EML6: variants seen among roughly 807,000 people sequenced by gnomAD.
EML6 encodes echinoderm microtubule-associated protein-like 6.
EML6 carries 154 observed loss-of-function variants against 240.1 expected under a neutral mutation model. That is an observed-to-expected ratio of 0.64 (90% CI 0.56 to 0.73). EML6 has a LOEUF of 0.73. Ranked by LOEUF, EML6 falls within the 30% of genes least tolerant of loss-of-function variation. The pLI is 0.00. For synonymous variants in EML6, 1,148 were observed against 899.0 expected (o/e 1.28, Z -4.95); for missense variants, 2,964 against 2,474.6 (o/e 1.20, Z -4.20).
intron 5 of EML6, among the ~76,000 whole-genome samples, chr2:54,823,213 C>T (rs975679968): frequency 5.9e-5 from 9 of 152,212 alleles, no homozygotes. Context: ...ATAAAGATGA[C>T]ATCCCAGCTG....
chr2:54,809,544 C>G (rs932951425), intron 2 of EML6, among the ~76,000 whole-genome samples: 8 of 152,066 alleles, frequency 5.3e-5, no homozygotes, highest in Admixed American at 1.3e-4. Context: ...TTCTGAGGCT[C>G]AGAGCACTCA....
intron 11 of EML6, among the ~76,000 whole-genome samples, chr2:54,857,139 G>A (rs903194075): frequency 6.6e-6 from 1 of 152,186 alleles, no homozygotes; most frequent in Non-Finnish European, 1.5e-5. Context: ...GTGCACATAA[G>A]GGGAAGAGGA....
intron 2 of EML6, among the ~76,000 whole-genome samples, chr2:54,742,692 G>T (rs370193000): frequency 2.0e-4 from 31 of 152,176 alleles, no homozygotes; most frequent in African/African-American, 7.0e-4. Context: ...CTTCTTAGTT[G>T]TTACACAGCC....
chr2:54,827,808 A>C (rs1171473377), intron 6 of EML6, 57 bp downstream of exon 6: 1 of 1,219,486 alleles, frequency 8.2e-7, no homozygotes, highest in Non-Finnish European at 1.2e-6. Flanking sequence ...TAAGACCACG[A>C]ATCCCTCCCT....
At chr2:54,730,556 T>C (rs1683107921) in intron 2 of EML6, among the ~76,000 whole-genome samples, 1 of 152,188 alleles carries the variant, frequency 6.6e-6, no homozygotes, top group Admixed American at 6.5e-5. Context: ...GTCTTCTCAT[T>C]TTACACTGAG....
At chr2:54,909,875 T>G (rs556754838) in intron 24 of EML6, among the ~76,000 whole-genome samples, 71 of 146,386 alleles carry the variant, frequency 4.9e-4, no homozygotes, top group Admixed American at 8.2e-4. Context: ...AAAAAAAAGA[T>G]TAGCCAAGCT....
intron 7 of EML6, among the ~76,000 whole-genome samples, chr2:54,840,468 A>G (rs981000362): frequency 6.6e-6 from 1 of 152,246 alleles, no homozygotes. Flanking sequence ...ATATCTGCTT[A>G]CATATGTCTG....
At chr2:54,853,099 T>C (rs1175613063) in intron 10 of EML6, among the ~76,000 whole-genome samples, 1 of 152,232 alleles carries the variant, frequency 6.6e-6, no homozygotes, top group Admixed American at 6.5e-5. Flanking sequence ...CTACTGAGCC[T>C]GAATTTTAAA....
At chr2:54,894,209 A>C (rs1327959653) in intron 19 of EML6, among the ~76,000 whole-genome samples, 15 of 151,270 alleles carry the variant, frequency 9.9e-5, no homozygotes, top group African/African-American at 2.7e-4. Context: ...CTTAGAAAAA[A>C]AAAAAAACCT....
intron 2 of EML6, among the ~76,000 whole-genome samples, chr2:54,749,496 G>C (rs1684058892): frequency 6.6e-6 from 1 of 152,042 alleles, no homozygotes; most frequent in African/African-American, 2.4e-5. Flanking sequence ...TATCGATGCA[G>C]AGAGAAGATA....
chr2:54,742,852 G>A (rs925927242), intron 2 of EML6, among the ~76,000 whole-genome samples: 1 of 152,132 alleles, frequency 6.6e-6, no homozygotes, highest in Admixed American at 6.5e-5. Context: ...TTTTTCACAC[G>A]TAAGTCCTCA....
At chr2:54,749,625 A>C (rs1558524153) in intron 2 of EML6, among the ~76,000 whole-genome samples, 1 of 152,118 alleles carries the variant, frequency 6.6e-6, no homozygotes, top group Non-Finnish European at 1.5e-5. Context: ...TTTTGCATAC[A>C]TTACCTTATT....
intron 26 of EML6, among the ~76,000 whole-genome samples, chr2:54,926,048 T>A (rs1235176617): frequency 6.6e-6 from 1 of 152,192 alleles, no homozygotes; most frequent in African/African-American, 2.4e-5. Flanking sequence ...TTTCACGAGA[T>A]TCTCAGGAAT....
chr2:54,970,423 T>C lies in EML6; in HGVS notation c.*328T>C, dbSNP rs1480505126. ...CGCTGACGAATTTTGAAGCCTCGGT[T>C]ACCCTAACCAATATGTAGCTTTTAA... On this transcript the variant is annotated 3_prime_UTR_variant, in exon 42 of 42. Transcript: ENST00000356458. 1.6e-5 allele frequency: 5 copies of C among 316,772 alleles called. No homozygotes were observed. The highest frequency in any genetic ancestry group is 3.0e-5 in the Non-Finnish European group (5 of 169,260). The allele number at this position is 316,772 out of a possible 1,614,324, so 19.6% of individuals were successfully genotyped here.
At chr2:54,967,532 G>A (rs754741716) in intron 39 of EML6, among the ~76,000 whole-genome samples, 1 of 152,162 alleles carries the variant, frequency 6.6e-6, no homozygotes, top group Non-Finnish European at 1.5e-5. Flanking sequence ...AACCCCTGCT[G>A]TTCTCCCCAA....
intron 28 of EML6, among the ~76,000 whole-genome samples, chr2:54,938,243 G>T (rs1338137686): frequency 6.6e-6 from 1 of 152,124 alleles, no homozygotes; most frequent in African/African-American, 2.4e-5. Context: ...CTACTCGGGA[G>T]GCTGAGGGAG....
In EML6 at chr2:54,725,247, C is replaced by A; in HGVS notation, c.186C>A (p.Asp62Glu). ...HSQKFFLGHN[D>E]DIISLALHPD... Reference sequence around the variant, plus strand: ...AAAAATTCTTCCTGGGACACAACGACGACATTATCAGGTAAGGGGGTGGCC... The same window carrying A: ...AAAAATTCTTCCTGGGACACAACGAAGACATTATCAGGTAAGGGGGTGGCC... Residue 62 changes from aspartate (D) to glutamate (E), a missense_variant, in exon 2 of 42, where the codon GAC becomes GAA. Coordinates refer to ENST00000356458, the MANE Select transcript of EML6 (RefSeq NM_001039753.4). This position sits in a 1 kb window ranked among gnomAD's most constrained non-coding sequence, Gnocchi z 4.3. 6.8e-7 allele frequency: 1 copy of A among 1,473,532 alleles called. No homozygotes were observed. Among genetic ancestry groups the A allele is most frequent in the Admixed American group, 2.3e-5 (1 of 43,514 alleles). 91.3% of individuals were successfully genotyped at this position (1,473,532 alleles called of 1,614,324 possible).
chr2:54,961,184 G>GTTGTTTTTTGTTTTTTTTTTTTTTTT, intron 35 of EML6, among the ~76,000 whole-genome samples: 2 of 55,416 alleles, frequency 3.6e-5, no homozygotes, highest in Non-Finnish European at 6.3e-5. Context: ...TCAGGAAGTA[G>GTTGTTTTTTGTTTTTTTTTTTTTTTT]TTTTTTTTTT....
At position 54,829,458 on chromosome 2, in the gene EML6, G is replaced by A. The variant is rs1049615011; in HGVS notation, c.828G>A (p.Glu276=). ...FKPITKIDLR[E]TEQGYKGLSI... ...CAATAACCAAAATTGATCTCAGGGA[G>A]ACAGAACAAGGATACAAAGGTAATA... The change falls in exon 7 of 42, where the codon GAG becomes GAA. Residue 276 remains glutamate, a synonymous_variant. Coordinates refer to ENST00000356458, the MANE Select transcript of EML6 (RefSeq NM_001039753.4). The A allele has an allele frequency of 1.9e-6, 3 of 1,551,690 alleles. No individual in the cohort carries two copies. The highest frequency in any genetic ancestry group is 2.4e-5 in the East Asian group (1 of 40,908).
Sources: allele counts gnomAD v4.1 joint callset (sites outside exome capture counted in the v4.1 genomes callset), GRCh38; gene constraint gnomAD v4.1.1; non-coding constraint Gnocchi (gnomAD v3.1); transcripts MANE v1.5; gene names NCBI Gene and HGNC (gene_info 2026-07-23, HGNC 2026-07-21).